Variants in PRDM7 observed in about 807,000 individuals in gnomAD.
The protein encoded by PRDM7 is PR/SET domain 7.
Under a neutral mutation model 64.3 loss-of-function variants are expected in PRDM7, and 52 were observed. The ratio of observed to expected loss-of-function variants is 0.81; its 90% CI spans 0.65 to 1.02. The LOEUF is 1.02. Ranked by LOEUF, PRDM7 falls within the 50% of genes least tolerant of loss-of-function variation. The pLI is 0.00. For missense variants in PRDM7, 574 were observed against 597.1 expected (o/e 0.96, Z 0.40); for synonymous variants, 192 against 210.1 (o/e 0.91, Z 0.74).
In PRDM7 at chr16:90,075,359, A is replaced by G. The variant is rs763152753; in HGVS notation, c.185T>C (p.Ile62Thr). 1.2e-6 allele frequency: 2 copies of G among 1,614,240 alleles called. No homozygotes were observed. The highest frequency in any genetic ancestry group is 3.3e-5 in the Admixed American group (2 of 60,026). ...CCAGCACTTCCTGTTACCTACAGTA[A>G]TCAGTGCATTATAGTTCATTTTCAC... Reference protein sequence around the residue: ...RNVKMNYNALITVGLRATRPA... With the variant: ...RNVKMNYNALTTVGLRATRPA... The change falls in exon 3 of 11, where the codon ATT (isoleucine) becomes ACT (threonine). Residue 62 changes from isoleucine (I) to threonine (T), a missense_variant. Transcript: ENST00000449207. This position sits in a 1 kb window ranked among gnomAD's most constrained non-coding sequence, Gnocchi z 4.3.
chr16:90,060,758 C>T, intron 9 of PRDM7, 135 bp from the exon 10 acceptor site: 1 of 1,237,378 alleles, frequency 8.1e-7, no homozygotes, highest in Non-Finnish European at 1.2e-6. Context: ...CAACTCCAGA[C>T]TTACCTCCAC....
chr16:90,075,528 C>A lies in PRDM7; in HGVS notation c.70-54G>T. The A allele has an allele frequency of 1.2e-6, 2 of 1,613,904 alleles. No individual in the cohort carries two copies. The highest frequency in any genetic ancestry group is 1.7e-6 in the Non-Finnish European group (2 of 1,179,916). ...ATTTACTAATACACATCGAGCTGGT[C>A]CTTTTCCTCTACCCTGCGTGTAGGG... On this transcript the variant is annotated intron_variant, in intron 2 of 10. Transcript: ENST00000449207. The surrounding 1 kb of genome is among the most constrained non-coding windows in gnomAD (Gnocchi z 4.3).
At chr16:90,076,317 T>A (rs2038035793) in intron 1 of PRDM7, among the ~76,000 whole-genome samples, 3 of 151,788 alleles carry the variant, frequency 2.0e-5, no homozygotes, top group African/African-American at 7.3e-5. Flanking sequence ...GCCAGAGGAG[T>A]CTCAAGGAGA....
At chr16:90,076,127 A>C in intron 1 of PRDM7, 132 bp from the exon 2 acceptor site, 1 of 592,266 alleles carries the variant, frequency 1.7e-6, no homozygotes, top group Middle Eastern at 4.6e-4. Flanking sequence ...CGAGCACCCC[A>C]GGGAGGTCTG....
chr16:90,074,061 C>A (rs2037999493), intron 4 of PRDM7, among the ~76,000 whole-genome samples: 1 of 151,298 alleles, frequency 6.6e-6, no homozygotes. Context: ...GCTGGGATTA[C>A]AGGTGTGAGC....
intron 6 of PRDM7, 62 bp from the exon 7 acceptor site, chr16:90,062,564 A>G: frequency 7.2e-7 from 1 of 1,383,766 alleles, no homozygotes; most frequent in Non-Finnish European, 1.0e-6. Context: ...CTTGTTTCAT[A>G]AGAAAATGTG....
intron 5 of PRDM7, among the ~76,000 whole-genome samples, chr16:90,065,264 G>T (rs1251797513): frequency 6.7e-6 from 1 of 148,532 alleles, no homozygotes; most frequent in Non-Finnish European, 1.5e-5. Flanking sequence ...GTGGTGGCGG[G>T]CGCCTGTAAT....
chr16:90,076,985 C>T (rs771286687), intron 1 of PRDM7, among the ~76,000 whole-genome samples: 2 of 151,902 alleles, frequency 1.3e-5, no homozygotes, highest in Admixed American at 1.3e-4. Context: ...GAAATTGTGG[C>T]TCCTCAGGCT....
At chr16:90,070,367 C>T (rs537661170) in intron 4 of PRDM7, among the ~76,000 whole-genome samples, 2 of 150,714 alleles carry the variant, frequency 1.3e-5, no homozygotes, top group East Asian at 3.9e-4. Context: ...CTGAGGTGGG[C>T]AGATCACTTG....
chr16:90,071,707 G>T (rs894170342), intron 4 of PRDM7, among the ~76,000 whole-genome samples: 1 of 152,040 alleles, frequency 6.6e-6, no homozygotes, highest in Non-Finnish European at 1.5e-5. Flanking sequence ...CCTCTTAAAG[G>T]CTCCACCTCT....
Position 90,057,724 on chromosome 16 carries a change from T to G in PRDM7, c.*565A>C, listed in dbSNP as rs1032422942. ...CCGATCTCTTTACACTCTCGGGGAA[T>G]GTAAGGGGTTAGCAGACTTTCGCTG... is the stretch of plus-strand genomic sequence containing the variant. On this transcript the variant is annotated 3_prime_UTR_variant, in exon 11 of 11. Coordinates refer to ENST00000449207, the MANE Select transcript of PRDM7 (RefSeq NM_001098173.2). 8.0e-7 allele frequency: 1 copy of G among 1,243,228 alleles called. No individual in the cohort carries two copies. The highest frequency in any genetic ancestry group is 1.6e-5 in the African/African-American group (1 of 63,770). The allele number at this position is 1,243,228 out of a possible 1,614,324, so 77.0% of individuals were successfully genotyped here.
rs971580051 is a variant in PRDM7 at position 90,075,238 on chromosome 16, C to T, written c.193+113G>A. 1.5e-5 allele frequency: 23 copies of T among 1,567,012 alleles called. No individual in the cohort carries two copies. Among genetic ancestry groups the T allele is most frequent in the East Asian group, 6.7e-5 (3 of 44,554 alleles). ...CAATATTTCCCTCCAGATTTGTCTC[C>T]GTGCAAAAGGGAATTGTGGGCAGAT... is the stretch of plus-strand genomic sequence containing the variant. On this transcript the variant is annotated intron_variant, in intron 3 of 10. Coordinates refer to ENST00000449207, the MANE Select transcript of PRDM7 (RefSeq NM_001098173.2). The surrounding 1 kb of genome is among the most constrained non-coding windows in gnomAD (Gnocchi z 4.3).
chr16:90,073,108 T>A (rs1410303587), intron 4 of PRDM7, among the ~76,000 whole-genome samples: 2 of 152,254 alleles, frequency 1.3e-5, no homozygotes, highest in Non-Finnish European at 2.9e-5. Flanking sequence ...CAGTGACATA[T>A]GGGAAAGATC....
In PRDM7 at chr16:90,070,477, G is replaced by C. The variant is rs577217403; in HGVS notation, c.302-3567C>G. Among the ~76,000 whole-genome samples, 51 of 151,208 alleles carry C rather than the reference G, an allele frequency of 3.4e-4. 3 individuals are homozygous for C. The highest frequency in any genetic ancestry group is 1.2e-3 in the African/African-American group (49 of 40,648). On this transcript the variant is annotated intron_variant, in intron 4 of 10. Transcript: ENST00000449207. ...TGTGCCCCTGTAGTCCCAGCTATGTGGGGGGCTGAGGCAGGAGAATTGCTT... is the reference window on the plus strand; with the variant it reads ...TGTGCCCCTGTAGTCCCAGCTATGTCGGGGGCTGAGGCAGGAGAATTGCTT...
intron 4 of PRDM7, among the ~76,000 whole-genome samples, chr16:90,067,791 C>T (rs1022325061): frequency 3.3e-5 from 5 of 150,606 alleles, no homozygotes; most frequent in South Asian, 2.1e-4. Context: ...GGGGTTTCAC[C>T]GTGTTAGCCA....
In PRDM7 at chr16:90,075,453, T is replaced by C. The variant is rs2038022781; in HGVS notation, c.91A>G (p.Ile31Val). 2 of 1,614,228 alleles carry C rather than the reference T, an allele frequency of 1.2e-6. No homozygotes were observed. The highest frequency in any genetic ancestry group is 1.7e-6 in the Non-Finnish European group (2 of 1,180,034). ...TCTTCCTTGGTGAAGTATATGGAAA[T>C]GTCTTTGAAGGCATCTTTGACCTAG... ...KPMVKDAFKD[I>V]SIYFTKEEWA... is the part of the protein sequence containing the mutation. Residue 31 changes from isoleucine to valine, a missense_variant, in exon 3 of 11, where the codon ATT (isoleucine) becomes GTT (valine). Physicochemically the swap from Ile to Val is conservative, Grantham distance 29. Transcript: ENST00000449207. The surrounding 1 kb of genome is among the most constrained non-coding windows in gnomAD (Gnocchi z 4.3).
chr16:90,076,274 A>T (rs2038035369), intron 1 of PRDM7, among the ~76,000 whole-genome samples: 1 of 152,046 alleles, frequency 6.6e-6, no homozygotes, highest in South Asian at 2.1e-4. Flanking sequence ...GGTTGTAGCT[A>T]CCGGTGTTTG....
chr16:90,065,516 C>CT (rs1567877459), intron 5 of PRDM7, among the ~76,000 whole-genome samples: 1 of 151,078 alleles, frequency 6.6e-6, no homozygotes, highest in East Asian at 1.9e-4. Context: ...AGTAGGATGG[C>CT]TTGAGCCCAG....
At position 90,058,208 on chromosome 16, in the gene PRDM7, C is replaced by G; in HGVS notation, c.*81G>C. On this transcript the variant is annotated 3_prime_UTR_variant, in exon 11 of 11. Coordinates refer to ENST00000449207, the MANE Select transcript of PRDM7 (RefSeq NM_001098173.2). Reference sequence around the variant, plus strand: ...CTGGACTCTTCTTCCATCATTCTTTCTCCCACTCTAGAGCTCCCCATTTGT... The same window carrying G: ...CTGGACTCTTCTTCCATCATTCTTTGTCCCACTCTAGAGCTCCCCATTTGT... 3 of 1,614,224 alleles carry G rather than the reference C, an allele frequency of 1.9e-6. No individual in the cohort carries two copies. The highest frequency in any genetic ancestry group is 2.5e-6 in the Non-Finnish European group (3 of 1,180,026).
Sources: gnomAD v4.1 joint callset for allele counts (sites outside exome capture counted in the v4.1 genomes callset) on GRCh38, gnomAD v4.1.1 for gene constraint, Gnocchi (gnomAD v3.1) non-coding constraint, MANE v1.5 for transcripts, NCBI Gene and HGNC (gene_info 2026-07-23, HGNC 2026-07-21) for gene names.